SPAG17: variants seen among roughly 807,000 people sequenced by gnomAD.
The protein encoded by SPAG17 is sperm-associated antigen 17.
SPAG17 carries 169 observed loss-of-function variants against 273.6 expected under a neutral mutation model. The ratio of observed to expected loss-of-function variants is 0.62; its 90% CI spans 0.55 to 0.70. SPAG17 has a LOEUF of 0.70. Ranked by LOEUF, SPAG17 falls within the 30% of genes least tolerant of loss-of-function variation. SPAG17 has a pLI of 0.00. For synonymous variants in SPAG17, 825 were observed against 873.2 expected (o/e 0.94, Z 0.97); for missense variants, 2,557 against 2,627.8 (o/e 0.97, Z 0.59).
chr1:118,162,065 C>T (rs748955688), intron 1 of SPAG17, among the ~76,000 whole-genome samples: 7 of 152,152 alleles, frequency 4.6e-5, no homozygotes, highest in Non-Finnish European at 8.8e-5. Context: ...TAATATAAAA[C>T]CCCTTTAAGG....
intron 1 of SPAG17, among the ~76,000 whole-genome samples, chr1:118,158,085 T>G (rs1659738557): frequency 6.6e-6 from 1 of 152,226 alleles, no homozygotes; most frequent in Non-Finnish European, 1.5e-5. Flanking sequence ...ACTTGTTAAC[T>G]GACGTGTTTC....
At chr1:118,086,193 G>T (rs1654981172) in intron 12 of SPAG17, 121 bp from the exon 13 acceptor site, 1 of 959,392 alleles carries the variant, frequency 1.0e-6, no homozygotes, top group Non-Finnish European at 1.5e-6. Context: ...GGAAATCAAT[G>T]GTAATTGGGA....
chr1:118,087,561 A>G (rs1655090439), intron 10 of SPAG17, among the ~76,000 whole-genome samples: 1 of 152,220 alleles, frequency 6.6e-6, no homozygotes, highest in African/African-American at 2.4e-5. Flanking sequence ...GTTCAGGCCC[A>G]ATCCTCATTC....
chr1:118,032,264 AAAATAGTCT>A (rs1466570954), intron 24 of SPAG17, among the ~76,000 whole-genome samples: 3 of 152,226 alleles, frequency 2.0e-5, no homozygotes, highest in Non-Finnish European at 4.4e-5. Flanking sequence ...TTATAGCATC[AAAATAGTCT>A]AAATAAGATC....
chr1:118,054,760 C>T (rs1301027140), intron 19 of SPAG17, among the ~76,000 whole-genome samples: 1 of 151,806 alleles, frequency 6.6e-6, no homozygotes, highest in East Asian at 1.9e-4. Context: ...TTAATGCTCT[C>T]CTTCTGGGTC....
chr1:117,966,542 C>A, intron 47 of SPAG17, 67 bp downstream of exon 47: 1 of 1,363,612 alleles, frequency 7.3e-7, no homozygotes, highest in Non-Finnish European at 9.7e-7. Context: ...TTTTGACTTC[C>A]ATGTTTTCCT....
At chr1:117,989,839 C>T (rs1405413450) in intron 38 of SPAG17, among the ~76,000 whole-genome samples, 1 of 152,002 alleles carries the variant, frequency 6.6e-6, no homozygotes. Flanking sequence ...TTTGGCCTCC[C>T]GAAGTGCTAG....
intron 18 of SPAG17, among the ~76,000 whole-genome samples, chr1:118,062,417 A>G (rs1344257587): frequency 6.6e-6 from 1 of 151,176 alleles, no homozygotes; most frequent in Non-Finnish European, 1.5e-5. Context: ...TAACTTATCA[A>G]TGTCAGATAA....
chr1:118,128,739 T>C (rs893501970), intron 3 of SPAG17, among the ~76,000 whole-genome samples: 2 of 152,172 alleles, frequency 1.3e-5, no homozygotes, highest in Admixed American at 1.3e-4. Flanking sequence ...TAGCCTTTGG[T>C]TTGGATACCA....
chr1:118,062,222 C>A (rs1306707770), intron 18 of SPAG17, among the ~76,000 whole-genome samples: 1 of 151,640 alleles, frequency 6.6e-6, no homozygotes, highest in Non-Finnish European at 1.5e-5. Context: ...AAAAAATTAG[C>A]CGGGCGTAGT....
Position 118,025,372 on chromosome 1 carries a change from G to A in SPAG17, c.3775C>T (p.Arg1259Cys), listed in dbSNP as rs766503439. 6 of 1,606,056 alleles carry A rather than the reference G, an allele frequency of 3.7e-6. No individual in the cohort carries two copies. Among genetic ancestry groups the A allele is most frequent in the African/African-American group, 2.7e-5 (2 of 74,318 alleles). ...TTCACCCTCTGGGGGTAGCTCTGAC[G>A]GACCATGATGTCCCAGGTGGGTTCC... ...DEEPTWDIMV[R>C]QSYPQRVKHY... Residue 1259 changes from arginine (R) to cysteine (C), a missense_variant, in exon 27 of 49, where the codon CGT becomes TGT. Physicochemically the swap from Arg to Cys is radical, Grantham distance 180 (BLOSUM62 -3). Transcript: ENST00000336338.
chr1:118,171,993 C>T (rs896877350), intron 1 of SPAG17, among the ~76,000 whole-genome samples: 5 of 152,134 alleles, frequency 3.3e-5, no homozygotes, highest in African/African-American at 7.2e-5. Context: ...GTCTCCATCT[C>T]TGAATGAGTA....
chr1:117,987,809 T>C, intron 40 of SPAG17, 25 bp downstream of exon 40: 1 of 1,613,036 alleles, frequency 6.2e-7, no homozygotes. Context: ...TTCAGGTCCT[T>C]ATGTGCGTTT....
chr1:118,181,673 A>G (rs2102412021), intron 1 of SPAG17, among the ~76,000 whole-genome samples: 1 of 152,274 alleles, frequency 6.6e-6, no homozygotes, highest in East Asian at 1.9e-4. Flanking sequence ...AAACAAAACC[A>G]AAAAATGAAC....
chr1:118,074,422 G>A, intron 16 of SPAG17, 117 bp downstream of exon 16: 2 of 857,044 alleles, frequency 2.3e-6, no homozygotes, highest in Non-Finnish European at 1.9e-6. Context: ...CTCTTTTCTA[G>A]CCTCAGTATT....
Position 118,040,786 on chromosome 1 carries a change from T to G in SPAG17, c.3110A>C (p.Tyr1037Ser), listed in dbSNP as rs759605844. ...CTGCCCCCCATCAGAAGGATACAGGTAGTAATTTGACCCTGAGATTTGAGT... is the reference window on the plus strand; with the variant it reads ...CTGCCCCCCATCAGAAGGATACAGGGAGTAATTTGACCCTGAGATTTGAGT... ...IPTQISGSNY[Y>S]LYPSDGGQIE... Residue 1037 changes from tyrosine to serine, a missense_variant, in exon 22 of 49, where the codon TAC becomes TCC. By Grantham distance (144) the Tyr-to-Ser change is moderately radical. Coordinates refer to ENST00000336338, the MANE Select transcript of SPAG17 (RefSeq NM_206996.4). 8 of 1,605,032 alleles carry G rather than the reference T, an allele frequency of 5.0e-6. No individual in the cohort carries two copies. Among genetic ancestry groups the G allele is most frequent in the Non-Finnish European group, 6.8e-6 (8 of 1,171,704 alleles).
At position 118,040,848 on chromosome 1, in the gene SPAG17, G is replaced by A; in HGVS notation, c.3055-7C>T. On this transcript the variant is annotated splice_region_variant and splice_polypyrimidine_tract_variant and intron_variant, in intron 21 of 48. Coordinates refer to ENST00000336338, the MANE Select transcript of SPAG17 (RefSeq NM_206996.4). ...CCATATTGTATCCGTGAAACTAGAA[G>A]AGAAAATATTATGCTTTGAGTGTGA... 1.3e-6 allele frequency: 2 copies of A among 1,516,430 alleles called. No homozygotes were observed. 93.9% of individuals were successfully genotyped at this position (1,516,430 alleles called of 1,614,324 possible). A position where few individuals can be genotyped will look rare whatever the true frequency, so the allele number is the denominator to read the frequency against.
Position 117,953,896 on chromosome 1 carries a change from A to G in SPAG17, c.*154T>C, listed in dbSNP as rs997365214. The stretch of plus-strand genomic sequence containing the variant: ...CACTCTATTCGCACGTCTTTATTAA[A>G]CAGATTGAAGCTATTTCATTTGGCA... On this transcript the variant is annotated 3_prime_UTR_variant, in exon 49 of 49. Transcript: ENST00000336338. 3 of 876,386 alleles carry G rather than the reference A, an allele frequency of 3.4e-6. No individual in the cohort carries two copies. The highest frequency in any genetic ancestry group is 5.4e-6 in the Non-Finnish European group (3 of 558,488). 54.3% of individuals were successfully genotyped at this position (876,386 alleles called of 1,614,324 possible).
chr1:118,119,795 T>C (rs781650576), intron 3 of SPAG17, among the ~76,000 whole-genome samples: 2 of 152,172 alleles, frequency 1.3e-5, no homozygotes, highest in South Asian at 2.1e-4. Flanking sequence ...AATCGTTCTT[T>C]ACCACAGTAA....
Sources: gnomAD v4.1 joint callset for allele counts (sites outside exome capture counted in the v4.1 genomes callset) on GRCh38, gnomAD v4.1.1 for gene constraint, MANE v1.5 for transcripts, NCBI Gene and HGNC (gene_info 2026-07-23, HGNC 2026-07-21) for gene names.